Variants in XRN1 observed in about 807,000 individuals in gnomAD.
XRN1 encodes the protein 5'-3' exoribonuclease 1, also known as strand-exchange protein 1 homolog.
A neutral mutation model predicts 222.3 loss-of-function variants in XRN1; 67 were observed. The ratio of observed to expected loss-of-function variants is 0.30; its 90% CI spans 0.25 to 0.37. The LOEUF (loss-of-function observed/expected upper bound fraction) is 0.37. Ranked by LOEUF, XRN1 falls within the 10% of genes least tolerant of loss-of-function variation. The pLI is 1.00. For synonymous variants in XRN1, 643 were observed against 652.4 expected (o/e 0.99, Z 0.22); for missense variants, 1,707 against 2,000.2 (o/e 0.85, Z 2.80).
At chr3:142,410,936 T>A (rs898157908) in intron 15 of XRN1, among the ~76,000 whole-genome samples, 4 of 152,204 alleles carry the variant, frequency 2.6e-5, no homozygotes, top group Non-Finnish European at 4.4e-5. Context: ...TTTCCTTTCT[T>A]CTGTTTTCTG....
At chr3:142,384,928 T>C (rs941364492) in intron 20 of XRN1, among the ~76,000 whole-genome samples, 2 of 152,174 alleles carry the variant, frequency 1.3e-5, no homozygotes, top group Non-Finnish European at 2.9e-5. Flanking sequence ...ACAAAACTCC[T>C]GTTCTCACAT....
chr3:142,391,749 A>ATAT (rs1470611038), intron 20 of XRN1, among the ~76,000 whole-genome samples: 27 of 103,436 alleles, frequency 2.6e-4, no homozygotes, highest in African/African-American at 7.8e-4. Context: ...AAAAAAAAAA[A>ATAT]ATATATATAT....
rs774498134 is a variant in XRN1, at chr3:142,376,470, T to C, written c.2831+9A>G. 48 of 1,591,264 alleles carry C rather than the reference T, an allele frequency of 3.0e-5. No individual in the cohort carries two copies. Among genetic ancestry groups the C allele is most frequent in the Non-Finnish European group, 4.0e-5 (47 of 1,161,484 alleles). The stretch of plus-strand genomic sequence containing the variant: ...CCACTTTAAGTAAATTTCTCTAACA[T>C]AAACTTACTTTCTCCTAGATCCTCT... On this transcript the variant is annotated intron_variant, in intron 24 of 40. Coordinates refer to ENST00000392981, the MANE Select transcript of XRN1 (RefSeq NM_001282857.2).
chr3:142,383,533 T>C (rs1375588735), intron 21 of XRN1, 120 bp from the exon 22 acceptor site: 5 of 824,526 alleles, frequency 6.1e-6, no homozygotes, highest in Non-Finnish European at 9.5e-6. Context: ...TTTTTCTACA[T>C]AATGCCAAGA....
Position 142,370,475 on chromosome 3 carries a change from AAGTT to A in XRN1, c.3204+6_3204+9del, listed in dbSNP as rs2066954726. 6.3e-7 allele frequency: 1 copy of A among 1,591,162 alleles called. No individual in the cohort carries two copies. ...TCTCATCAATAATCTTGGTTACTGA[AAGTT>A]AGTACCTTGCACTTTTCGACTTCTT... On this transcript the variant is annotated splice_donor_region_variant and intron_variant, in intron 27 of 40. Coordinates refer to ENST00000392981, the MANE Select transcript of XRN1 (RefSeq NM_001282857.2).
chr3:142,374,145 T>C (rs775841248), intron 25 of XRN1, among the ~76,000 whole-genome samples: 1 of 151,900 alleles, frequency 6.6e-6, no homozygotes, highest in Non-Finnish European at 1.5e-5. Flanking sequence ...TCCATCAAAA[T>C]GGAGATATAA....
At position 142,375,000 on chromosome 3, in the gene XRN1, G is replaced by A. The variant is rs372994606; in HGVS notation, c.2978+798C>T. 3.3e-5 allele frequency among the ~76,000 whole-genome samples: 5 copies of A among 152,282 alleles called. No homozygotes were observed. The East Asian group carries it at 5.8e-4, about 18-fold the overall frequency. Reference sequence around the variant, plus strand: ...GCGAGAACATCACATAAACACGGAGGATTGCAGGGATGCATTTACAAGCCA... The same window carrying A: ...GCGAGAACATCACATAAACACGGAGAATTGCAGGGATGCATTTACAAGCCA... On this transcript the variant is annotated intron_variant, in intron 25 of 40. Transcript: ENST00000392981.
intron 19 of XRN1, among the ~76,000 whole-genome samples, chr3:142,399,948 AT>A (rs2068067425): frequency 1.3e-5 from 2 of 151,956 alleles, no homozygotes; most frequent in African/African-American, 4.8e-5. Context: ...TTTATATGAA[AT>A]AATAAAAAAA....
intron 1 of XRN1, among the ~76,000 whole-genome samples, chr3:142,445,263 G>A (rs370338853): frequency 1.8e-4 from 27 of 151,430 alleles, no homozygotes; most frequent in African/African-American, 3.9e-4. Flanking sequence ...ATTGATACAC[G>A]TTGTTCTTTC....
chr3:142,438,719 T>C (rs1476683676), intron 1 of XRN1, among the ~76,000 whole-genome samples: 1 of 152,214 alleles, frequency 6.6e-6, no homozygotes. Context: ...GGGAGAAACC[T>C]GGCCTCGTGA....
intron 1 of XRN1, chr3:142,436,045 G>C (rs1005988686): frequency 1.4e-5 from 2 of 139,786 alleles, no homozygotes; most frequent in Admixed American, 1.5e-4. Context: ...GGGCGACAGA[G>C]CGAGACTCCA....
At chr3:142,421,644 A>G (rs2069039703) in intron 8 of XRN1, 101 bp from the exon 9 acceptor site, 11 of 786,864 alleles carry the variant, frequency 1.4e-5, no homozygotes, top group Middle Eastern at 7.4e-4. Context: ...CATGTTCTAC[A>G]GTACTAATCA....
Position 142,313,137 on chromosome 3 carries a change from T to A in XRN1, c.4622-379A>T, listed in dbSNP as rs113276810. On this transcript the variant is annotated intron_variant, in intron 39 of 40. Coordinates refer to ENST00000392981, the MANE Select transcript of XRN1 (RefSeq NM_001282857.2). ...ATAGAGAAATCTTAAGGATCTCACC[T>A]GCCCCCAATGCATAGTTGCTTCCAT... 1.5e-5 allele frequency: 24 copies of A among 1,612,006 alleles called. No homozygotes were observed. The African/African-American group carries it at 1.6e-4, about 11-fold the overall frequency.
Position 142,421,532 on chromosome 3 carries a change from C to T in XRN1, c.979G>A (p.Glu327Lys). 1 of 1,609,370 alleles carries T rather than the reference C, an allele frequency of 6.2e-7. No homozygotes were observed. Among genetic ancestry groups the T allele is most frequent in the Non-Finnish European group, 8.5e-7 (1 of 1,177,988 alleles). ...ILPELGGYIN[E>K]SGHLNLPRFE... ...CGAGGTAAGTTGAGGTGCCCACTTTCATTAATATAACCTAAAAGAAACAAA... is the reference window on the plus strand; with the variant it reads ...CGAGGTAAGTTGAGGTGCCCACTTTTATTAATATAACCTAAAAGAAACAAA... Residue 327 changes from glutamate (E) to lysine (K), a missense_variant, in exon 9 of 41, where the codon GAA becomes AAA. Physicochemically the swap from Glu to Lys is moderately conservative, Grantham distance 56 (BLOSUM62 1). This residue lies in a region of XRN1 where 1,234 missense variants were observed against 1,518.2 expected (regional missense o/e 0.81). Coordinates refer to ENST00000392981, the MANE Select transcript of XRN1 (RefSeq NM_001282857.2).
intron 34 of XRN1, among the ~76,000 whole-genome samples, chr3:142,333,761 CTT>C (rs1234755292): frequency 6.6e-6 from 1 of 152,140 alleles, no homozygotes. Context: ...GAATAGAGCT[CTT>C]TCTCTCCATC....
At chr3:142,380,008 G>T in intron 23 of XRN1, 74 bp downstream of exon 23, 2 of 1,120,920 alleles carry the variant, frequency 1.8e-6, no homozygotes, top group South Asian at 3.5e-5. Context: ...AAATTCAAAG[G>T]AGGTGGCAAA....
intron 37 of XRN1, among the ~76,000 whole-genome samples, chr3:142,327,006 A>C (rs755355169): frequency 2.6e-5 from 4 of 152,142 alleles, no homozygotes; most frequent in Non-Finnish European, 4.4e-5. Flanking sequence ...TGTGCCTTTG[A>C]ATTCAATTCA....
At chr3:142,356,795 A>G in intron 31 of XRN1, 117 bp downstream of exon 31, 1 of 1,171,856 alleles carries the variant, frequency 8.5e-7, no homozygotes, top group Non-Finnish European at 1.2e-6. Flanking sequence ...GACCTGAGCC[A>G]AAACTTTTTA....
At chr3:142,413,931 C>A (rs945824442) in intron 14 of XRN1, among the ~76,000 whole-genome samples, 2 of 152,106 alleles carry the variant, frequency 1.3e-5, no homozygotes, top group African/African-American at 4.8e-5. Context: ...GAATGATTTA[C>A]GGAGTTTCTT....
Sources: gnomAD v4.1 joint callset for allele counts (sites outside exome capture counted in the v4.1 genomes callset) on GRCh38, gnomAD v4.1.1 for gene constraint, gnomAD v4.1.1 regional missense constraint, MANE v1.5 for transcripts, NCBI Gene and HGNC (gene_info 2026-07-23, HGNC 2026-07-21) for gene names.